The following NAA35 variants were observed in gnomAD, a reference collection of about 807,000 sequenced individuals.
NAA35 encodes MAK10 homolog, amino-acid N-acetyltransferase subunit.
In NAA35, 18 loss-of-function variants were observed where a neutral mutation model predicts 101.7. The observed-to-expected ratio is 0.18, with a 90% CI of 0.12 to 0.26. The LOEUF (loss-of-function observed/expected upper bound fraction) is 0.26, where lower values mean the gene tolerates loss of function less well. Among genes scored for constraint, NAA35 ranks in the 10% least tolerant of loss-of-function variants. NAA35 has a pLI of 1.00. For synonymous variants in NAA35, 267 were observed against 273.1 expected, an observed-to-expected ratio of 0.98 and a Z score of 0.22; for missense variants, 601 against 886.8, an observed-to-expected ratio of 0.68 and a Z score of 4.09.
intron 11 of NAA35, among the ~76,000 whole-genome samples, chr9:85,980,804 A>G (rs995903043): frequency 1.3e-5 from 2 of 152,224 alleles, no homozygotes; most frequent in African/African-American, 4.8e-5. Context: ...CTTAAAACTC[A>G]TTAAAATGAG....
In NAA35 at chr9:85,999,503, G is replaced by A. The variant is rs181650682; in HGVS notation, c.1056+2926G>A. On this transcript the variant is annotated intron_variant, in intron 12 of 22. Coordinates refer to ENST00000361671, the MANE Select transcript of NAA35 (RefSeq NM_024635.4). ...GTAAGCAACAGGGCTGACTTGGGTT[G>A]TGACAGGCTCCTGATATTGAAGGCT... is the stretch of plus-strand genomic sequence containing the variant. 1.3e-3 allele frequency among the ~76,000 whole-genome samples: 192 copies of A among 152,340 alleles called. 4 individuals carry two copies. In the South Asian group the frequency reaches 0.033, roughly 26 times the overall value.
chr9:85,941,780 C>T, intron 1 of NAA35: 1 of 996,024 alleles, frequency 1.0e-6, no homozygotes, highest in Non-Finnish European at 1.2e-6. Context: ...CGCATGGGGT[C>T]CTGGGCTGCG....
Position 86,022,701 on chromosome 9 carries a change from T to A in NAA35, c.*741T>A, listed in dbSNP as rs1436848550. Among the ~76,000 whole-genome samples the A allele has an allele frequency of 6.6e-6, 1 of 152,202 alleles. No homozygotes were observed. The highest frequency in any genetic ancestry group is 1.5e-5 in the Non-Finnish European group (1 of 68,030). ...TACTTTTTGTTTACTTCATATTCAG[T>A]TTAACCCATGAAACATTTTCAAATG... On this transcript the variant is annotated 3_prime_UTR_variant, in exon 23 of 23. Transcript: ENST00000361671.
intron 14 of NAA35, 142 bp from the exon 15 acceptor site, chr9:86,009,723 T>C: frequency 1.6e-6 from 1 of 618,928 alleles, no homozygotes; most frequent in Non-Finnish European, 2.9e-6. Flanking sequence ...TTTCTTAATC[T>C]AATACTGAAA....
At chr9:85,996,305 G>A (rs1831154142) in intron 11 of NAA35, 94 bp from the exon 12 acceptor site, 4 of 805,236 alleles carry the variant, frequency 5.0e-6, no homozygotes, top group Admixed American at 3.3e-5. Flanking sequence ...GTTTGGAAAA[G>A]CTTTTTAAAC....
chr9:86,019,081 TAAAG>T lies in NAA35; in HGVS notation c.2037+263_2037+266del, dbSNP rs376870584. On this transcript the variant is annotated intron_variant, in intron 21 of 22. Transcript: ENST00000361671. ...AAAGACAAATTACAACTCAAAATCATAAAGAAGGATAAGCATAAGATCCAGACTG... is the reference window on the plus strand; with the variant it reads ...AAAGACAAATTACAACTCAAAATCATAAGGATAAGCATAAGATCCAGACTG... Among the ~76,000 whole-genome samples the T allele has an allele frequency of 1.3e-3, 192 of 152,298 alleles. 4 individuals are homozygous for T. The South Asian group carries it at 0.033, about 26-fold the overall frequency.
intron 6 of NAA35, chr9:85,966,554 T>G: frequency 9.9e-7 from 1 of 1,010,344 alleles, no homozygotes; most frequent in Non-Finnish European, 1.3e-6. Flanking sequence ...GATTTTTTCT[T>G]TCTTTCTTTT....
At chr9:86,017,055 T>G (rs1447049101) in intron 18 of NAA35, among the ~76,000 whole-genome samples, 1 of 152,242 alleles carries the variant, frequency 6.6e-6, no homozygotes, top group East Asian at 1.9e-4. Flanking sequence ...ACAGAGCGCC[T>G]TGAGGCATCA....
intron 8 of NAA35, among the ~76,000 whole-genome samples, chr9:85,976,354 T>G (rs1252478437): frequency 6.6e-6 from 1 of 152,194 alleles, no homozygotes; most frequent in African/African-American, 2.4e-5. Context: ...AGGGTTAGTT[T>G]TGAGAGCATC....
chr9:85,995,210 A>G (rs1393300559), intron 11 of NAA35, among the ~76,000 whole-genome samples: 3 of 151,732 alleles, frequency 2.0e-5, no homozygotes, highest in Non-Finnish European at 2.9e-5. Context: ...TGAAGGGAAG[A>G]TAATCTTATT....
chr9:86,012,567 T>C (rs1030554051), intron 15 of NAA35, among the ~76,000 whole-genome samples: 5 of 152,208 alleles, frequency 3.3e-5, no homozygotes, highest in African/African-American at 1.2e-4. Flanking sequence ...CCATGTCTCT[T>C]GCCTGGTTAG....
intron 11 of NAA35, among the ~76,000 whole-genome samples, chr9:85,991,985 T>A (rs1403400837): frequency 6.6e-6 from 1 of 151,942 alleles, no homozygotes; most frequent in African/African-American, 2.4e-5. Flanking sequence ...CTATCCTGGC[T>A]AACGCGGTGA....
At chr9:85,943,642 A>G (rs967757988) in intron 2 of NAA35, among the ~76,000 whole-genome samples, 18 of 152,224 alleles carry the variant, frequency 1.2e-4, no homozygotes, top group Admixed American at 5.2e-4. Context: ...TAAGGAAGAG[A>G]GAAAGAAATG....
At chr9:85,956,635 G>A (rs1374191732) in intron 3 of NAA35, among the ~76,000 whole-genome samples, 1 of 152,150 alleles carries the variant, frequency 6.6e-6, no homozygotes, top group African/African-American at 2.4e-5. Flanking sequence ...GAGAGCAGAT[G>A]TAATGAATGT....
Position 85,958,454 on chromosome 9 carries a change from CA to C in NAA35, c.159-16del. The C allele has an allele frequency of 1.3e-6, 2 of 1,539,292 alleles. No individual in the cohort carries two copies. The highest frequency in any genetic ancestry group is 3.4e-4 in the Middle Eastern group (2 of 5,862). On this transcript the variant is annotated splice_polypyrimidine_tract_variant and intron_variant, in intron 3 of 22. Transcript: ENST00000361671. Reference sequence around the variant, plus strand: ...CTGGCTCAAAAACAATTTGTTGGCTCAATTTTTTTATTTGCAGATTTGGTCT... The same window carrying C: ...CTGGCTCAAAAACAATTTGTTGGCTCATTTTTTTATTTGCAGATTTGGTCT...
intron 14 of NAA35, 96 bp from the exon 15 acceptor site, chr9:86,009,769 T>C (rs887386591): frequency 3.2e-5 from 27 of 844,486 alleles, no homozygotes; most frequent in Non-Finnish European, 5.0e-5. Context: ...TTTTCTCTTT[T>C]ATTCACCTTC....
intron 4 of NAA35, among the ~76,000 whole-genome samples, chr9:85,958,931 T>C (rs1163991517): frequency 1.3e-5 from 2 of 152,190 alleles, no homozygotes; most frequent in Non-Finnish European, 2.9e-5. Flanking sequence ...CTTGTGGTAG[T>C]GAATTTAAAA....
chr9:85,992,152 C>T (rs1469755208), intron 11 of NAA35, among the ~76,000 whole-genome samples: 2 of 135,650 alleles, frequency 1.5e-5, no homozygotes, highest in Non-Finnish European at 3.1e-5. Flanking sequence ...CCAGCCTGGG[C>T]AACAGAGCAA....
At chr9:86,000,837 T>TA (rs1831392011) in intron 12 of NAA35, among the ~76,000 whole-genome samples, 2 of 152,054 alleles carry the variant, frequency 1.3e-5, no homozygotes, top group African/African-American at 2.4e-5. Flanking sequence ...TTCAAAAAAC[T>TA]AATAGCAAGA....
Sources: gnomAD v4.1 joint callset for allele counts (sites outside exome capture counted in the v4.1 genomes callset) on GRCh38, gnomAD v4.1.1 for gene constraint, MANE v1.5 for transcripts, NCBI Gene and HGNC (gene_info 2026-07-23, HGNC 2026-07-21) for gene names.